WDFY1: variants seen among roughly 807,000 people sequenced by gnomAD.
The protein encoded by WDFY1 is WD repeat and FYVE domain containing 1.
A neutral mutation model predicts 56.4 loss-of-function variants in WDFY1; 32 were observed. The ratio of observed to expected loss-of-function variants is 0.57; its 90% CI spans 0.43 to 0.76. The LOEUF is 0.76. Ranked by LOEUF, WDFY1 falls within the 30% of genes least tolerant of loss-of-function variation. The pLI is 0.00. For synonymous variants in WDFY1, 192 were observed against 197.3 expected (o/e 0.97, Z 0.23); for missense variants, 480 against 545.7 (o/e 0.88, Z 1.20).
intron 9 of WDFY1, among the ~76,000 whole-genome samples, chr2:223,882,549 A>G (rs1693091435): frequency 1.3e-5 from 2 of 152,190 alleles, no homozygotes; most frequent in Non-Finnish European, 2.9e-5. Context: ...ACACTAGTCA[A>G]GGATTTCCAA....
intron 1 of WDFY1, among the ~76,000 whole-genome samples, chr2:223,942,345 G>A (rs560809120): frequency 5.7e-4 from 80 of 140,812 alleles, no homozygotes; most frequent in African/African-American, 1.9e-3. Context: ...TCAGCTTCCC[G>A]AGTAGCTGGG....
chr2:223,886,525 G>T lies in WDFY1; in HGVS notation c.832-1776C>A, dbSNP rs560228777. 4.6e-5 allele frequency among the ~76,000 whole-genome samples: 7 copies of T among 152,060 alleles called. 1 individual carries two copies. The South Asian group carries it at 1.5e-3, about 32-fold the overall frequency. On this transcript the variant is annotated intron_variant, in intron 8 of 11. Transcript: ENST00000233055. ...GGATTACCTGAGGTCAGGAGTTCAAGACCAGCTTGGCCAATGTAGTGAAAC... is the reference window on the plus strand; with the variant it reads ...GGATTACCTGAGGTCAGGAGTTCAATACCAGCTTGGCCAATGTAGTGAAAC...
At chr2:223,918,644 A>G (rs995024517) in intron 1 of WDFY1, among the ~76,000 whole-genome samples, 7 of 145,156 alleles carry the variant, frequency 4.8e-5, no homozygotes, top group Admixed American at 2.1e-4. Context: ...AAAAAAAAAA[A>G]GAAAAACAAA....
intron 10 of WDFY1, among the ~76,000 whole-genome samples, chr2:223,880,556 G>A (rs1031728008): frequency 1.3e-4 from 19 of 149,304 alleles, no homozygotes; most frequent in South Asian, 2.1e-4. Flanking sequence ...GCAGTGAGCC[G>A]AGATTGTACC....
Position 223,881,216 on chromosome 2 carries a change from A to G in WDFY1, c.1064+726T>C, listed in dbSNP as rs543239726. Among the ~76,000 whole-genome samples, 4 of 152,348 alleles carry G rather than the reference A, an allele frequency of 2.6e-5. No individual in the cohort carries two copies. The East Asian group carries it at 5.8e-4, about 22-fold the overall frequency. ...TGTGGAAGAAAGAACATTGGTCTCT[A>G]GAGTTTTCCCAGTAAATTTACATGC... On this transcript the variant is annotated intron_variant, in intron 10 of 11. Transcript: ENST00000233055.
chr2:223,878,784 G>T, intron 11 of WDFY1, 54 bp from the exon 12 acceptor site: 1 of 1,596,848 alleles, frequency 6.3e-7, no homozygotes, highest in Non-Finnish European at 8.6e-7. Flanking sequence ...AGGTCTAACG[G>T]CAAGAGTCAA....
At chr2:223,902,438 G>A (rs1693521258) in intron 4 of WDFY1, among the ~76,000 whole-genome samples, 1 of 152,164 alleles carries the variant, frequency 6.6e-6, no homozygotes, top group Admixed American at 6.5e-5. Context: ...GGTGGCACTT[G>A]CCTGGAGTCC....
At chr2:223,932,285 G>A (rs1694091749) in intron 1 of WDFY1, among the ~76,000 whole-genome samples, 1 of 151,792 alleles carries the variant, frequency 6.6e-6, no homozygotes, top group Non-Finnish European at 1.5e-5. Context: ...ACCACGCCTG[G>A]CTAATTTTTT....
intron 1 of WDFY1, among the ~76,000 whole-genome samples, chr2:223,936,378 A>G (rs759174390): frequency 5.3e-5 from 8 of 152,178 alleles, no homozygotes; most frequent in Non-Finnish European, 8.8e-5. Context: ...GTCCTTTTAC[A>G]GACATGATTA....
intron 5 of WDFY1, chr2:223,900,916 T>A: frequency 2.7e-6 from 1 of 376,860 alleles, no homozygotes; most frequent in South Asian, 3.7e-5. Flanking sequence ...ACAGAACAAT[T>A]CATTTCATTA....
chr2:223,945,300 GC>G lies in WDFY1; in HGVS notation c.-17del. The G allele has an allele frequency of 6.4e-7, 1 of 1,559,418 alleles. No homozygotes were observed. Among genetic ancestry groups the G allele is most frequent in the Non-Finnish European group, 8.6e-7 (1 of 1,160,740 alleles). ...CGGCCGCCATGTTCGCGCGGCGACT[GC>G]TGCGGCCTCCTCGGCAGGCAGCCCA... On this transcript the variant is annotated 5_prime_UTR_variant, in exon 1 of 12. Transcript: ENST00000233055.
chr2:223,890,443 G>A (rs1159128285), intron 8 of WDFY1, among the ~76,000 whole-genome samples: 3 of 152,246 alleles, frequency 2.0e-5, no homozygotes, highest in East Asian at 1.9e-4. Context: ...AAAAAAATTT[G>A]AGATAACAAA....
intron 7 of WDFY1, among the ~76,000 whole-genome samples, chr2:223,894,746 G>A (rs1352781102): frequency 6.6e-6 from 1 of 152,128 alleles, no homozygotes; most frequent in Admixed American, 6.5e-5. Context: ...AAGATCACTA[G>A]TGTGCACACA....
intron 4 of WDFY1, among the ~76,000 whole-genome samples, chr2:223,904,946 C>T (rs1046693652): frequency 1.3e-5 from 2 of 152,160 alleles, no homozygotes; most frequent in African/African-American, 2.4e-5. Context: ...GTATATGTCA[C>T]AGATGCCACA....
At chr2:223,884,621 A>C in intron 9 of WDFY1, 27 bp downstream of exon 9, 1 of 1,604,932 alleles carries the variant, frequency 6.2e-7, no homozygotes, top group Non-Finnish European at 8.5e-7. Flanking sequence ...CAATCAAGCC[A>C]GAGATGACTC....
chr2:223,945,299 T>C lies in WDFY1; in HGVS notation c.-15A>G, dbSNP rs767451686. ...TCGGCCGCCATGTTCGCGCGGCGAC[T>C]GCTGCGGCCTCCTCGGCAGGCAGCC... On this transcript the variant is annotated 5_prime_UTR_variant, in exon 1 of 12. Transcript: ENST00000233055. 1.3e-6 allele frequency: 2 copies of C among 1,559,518 alleles called. No individual in the cohort carries two copies. The highest frequency in any genetic ancestry group is 1.8e-5 in the Admixed American group (1 of 55,162).
At chr2:223,943,362 G>A (rs1405784558) in intron 1 of WDFY1, among the ~76,000 whole-genome samples, 1 of 152,068 alleles carries the variant, frequency 6.6e-6, no homozygotes, top group Non-Finnish European at 1.5e-5. Flanking sequence ...AGCAGGGAGA[G>A]GCCACTGCCT....
chr2:223,940,251 A>G (rs575497383), intron 1 of WDFY1, among the ~76,000 whole-genome samples: 2 of 152,298 alleles, frequency 1.3e-5, no homozygotes, highest in East Asian at 3.9e-4. Context: ...CCTGGGAGGC[A>G]GAGGTTGCAG....
At chr2:223,919,383 G>C (rs1445075166) in intron 1 of WDFY1, among the ~76,000 whole-genome samples, 1 of 152,124 alleles carries the variant, frequency 6.6e-6, no homozygotes, top group Non-Finnish European at 1.5e-5. Flanking sequence ...GCTAATTTTT[G>C]TATTTTTAGT....
Sources: allele counts gnomAD v4.1 joint callset (sites outside exome capture counted in the v4.1 genomes callset), GRCh38; gene constraint gnomAD v4.1.1; transcripts MANE v1.5; gene names NCBI Gene and HGNC (gene_info 2026-07-23, HGNC 2026-07-21).